The following RRP1 variants were observed in gnomAD, a reference collection of about 807,000 sequenced individuals.
RRP1 encodes the protein ribosomal RNA processing 1.
A neutral mutation model predicts 54.6 loss-of-function variants in RRP1; 37 were observed. The ratio of observed to expected loss-of-function variants is 0.68; its 90% confidence interval spans 0.52 to 0.89. The LOEUF (loss-of-function observed/expected upper bound fraction) is 0.89. RRP1 is among the 40% of genes least tolerant of loss of function. RRP1 has a pLI of 0.00. For synonymous variants in RRP1, 262 were observed against 244.3 expected (o/e 1.07, Z -0.67); for missense variants, 639 against 612.5 (o/e 1.04, Z -0.46).
At chr21:43,798,735 T>C (rs2085050890) in intron 8 of RRP1, among the ~76,000 whole-genome samples, 2 of 152,056 alleles carry the variant, frequency 1.3e-5, no homozygotes, top group African/African-American at 4.8e-5. Flanking sequence ...GCCTGGCCCA[T>C]TTTTTGTTTT....
chr21:43,800,722 G>A (rs997727148), intron 10 of RRP1, 108 bp downstream of exon 10: 18 of 1,511,244 alleles, frequency 1.2e-5, no homozygotes, highest in East Asian at 4.5e-5. Context: ...AGCCCCCGGG[G>A]TGATCCCCGC....
chr21:43,795,253 G>A lies in RRP1; in HGVS notation c.422+3G>A. 1 of 1,614,098 alleles carries A rather than the reference G, an allele frequency of 6.2e-7. No homozygotes were observed. The stretch of plus-strand genomic sequence containing the variant: ...AAGATGCAAGGCTGGGAAGAAAGGT[G>A]GGTGCGCGGCGGGCCTGCTCTGGGG... On this transcript the variant is annotated splice_donor_region_variant and intron_variant, in intron 5 of 12. Transcript: ENST00000497547.
chr21:43,798,587 C>T (rs2085048799), intron 8 of RRP1, among the ~76,000 whole-genome samples: 2 of 152,222 alleles, frequency 1.3e-5, no homozygotes, highest in South Asian at 2.1e-4. Context: ...CAAGCTCTGT[C>T]CATATTGACC....
Position 43,791,448 on chromosome 21 carries a change from A to T in RRP1, c.216+16A>T. On this transcript the variant is annotated intron_variant, in intron 2 of 12. Transcript: ENST00000497547. ...ACTCCTCCAGGTGAGTGGGGGGAGC[A>T]GCAGAGCAGGTACAGAAGCAGCGGG... 6.2e-7 allele frequency: 1 copy of T among 1,612,810 alleles called. No individual in the cohort carries two copies. Among genetic ancestry groups the T allele is most frequent in the Non-Finnish European group, 8.5e-7 (1 of 1,178,910 alleles).
At chr21:43,801,990 T>C (rs2085097670) in intron 11 of RRP1, among the ~76,000 whole-genome samples, 1 of 152,116 alleles carries the variant, frequency 6.6e-6, no homozygotes, top group South Asian at 2.1e-4. Flanking sequence ...CAACCTGACA[T>C]TCAAAGCACT....
At position 43,797,898 on chromosome 21, in the gene RRP1, GC is replaced by G; in HGVS notation, c.618-5del. ...GGGCCTGCTCACCGGCCTCTGCTCTGCCCCTCAGTTCCTTGGTTTTGAACAA... is the reference window on the plus strand; with the variant it reads ...GGGCCTGCTCACCGGCCTCTGCTCTGCCCTCAGTTCCTTGGTTTTGAACAA... On this transcript the variant is annotated splice_polypyrimidine_tract_variant and splice_region_variant and intron_variant, in intron 7 of 12. Coordinates refer to ENST00000497547, the MANE Select transcript of RRP1 (RefSeq NM_003683.6). 1 of 1,611,132 alleles carries G rather than the reference GC, an allele frequency of 6.2e-7. No individual in the cohort carries two copies. The highest frequency in any genetic ancestry group is 8.5e-7 in the Non-Finnish European group (1 of 1,177,916).
intron 8 of RRP1, 31 bp downstream of exon 8, chr21:43,798,131 C>A: frequency 6.4e-7 from 1 of 1,561,828 alleles, no homozygotes; most frequent in South Asian, 1.2e-5. Flanking sequence ...GGCTTCTCCT[C>A]GGGGCCTGTC....
intron 12 of RRP1, among the ~76,000 whole-genome samples, chr21:43,802,637 G>A (rs1172927198): frequency 6.6e-6 from 1 of 152,160 alleles, no homozygotes; most frequent in Non-Finnish European, 1.5e-5. Context: ...CTCCCTCCCG[G>A]TCTGGAGACA....
Position 43,791,354 on chromosome 21 carries a change from T to A in RRP1, c.138T>A (p.Gly46=), listed in dbSNP as rs762574411. ...ACCGTTGCTGTTTTGATGCAGGTGG[T>A]TTTACGCACGACGAGCTGCTGAAGG... The part of the protein sequence containing the change: ...IVARTQRAAG[G]FTHDELLKVW... Residue 46 remains glycine (G), a synonymous_variant, in exon 2 of 13, where the codon GGT becomes GGA. Transcript: ENST00000497547. The A allele has an allele frequency of 5.0e-6, 8 of 1,613,828 alleles. No homozygotes were observed. The South Asian group carries it at 6.6e-5, about 13-fold the overall frequency.
At chr21:43,793,027 C>T (rs1020421179) in intron 3 of RRP1, 18 of 553,566 alleles carry the variant, frequency 3.3e-5, no homozygotes, top group African/African-American at 2.7e-4. Context: ...GACTGAATTC[C>T]GCCTGATGGT....
chr21:43,798,185 C>G, intron 8 of RRP1, 85 bp downstream of exon 8: 1 of 1,202,086 alleles, frequency 8.3e-7, no homozygotes, highest in Middle Eastern at 2.9e-4. Context: ...GCTCCTGCCA[C>G]CTCCTACCTG....
rs1422434011 is a variant in RRP1 at position 43,804,332 on chromosome 21, GC to G, written c.*561del. On this transcript the variant is annotated 3_prime_UTR_variant, in exon 13 of 13. Coordinates refer to ENST00000497547, the MANE Select transcript of RRP1 (RefSeq NM_003683.6). The surrounding 1 kb of genome is among the most constrained non-coding windows in gnomAD (Gnocchi z 4.3). ...ATTCAGCTCCAGTAAGGCCTGGATT[GC>G]CCGGGGTGAGCGTGTGTGTGGTGGG... 6.6e-6 allele frequency: 1 copy of G among 152,456 alleles called. No homozygotes were observed. The highest frequency in any genetic ancestry group is 1.5e-5 in the Non-Finnish European group (1 of 68,132). The allele number at this position is 152,456 out of a possible 1,614,324, so 9.4% of individuals were successfully genotyped here.
rs768864256 is a variant in RRP1, at chr21:43,803,633, G to T, written c.1245G>T (p.Arg415=). 15 of 1,551,120 alleles carry T rather than the reference G, an allele frequency of 9.7e-6. No homozygotes were observed. Among genetic ancestry groups the T allele is most frequent in the Non-Finnish European group, 1.2e-5 (14 of 1,147,840 alleles). Residue 415 remains arginine (R), a synonymous_variant, in exon 13 of 13, where the codon CGG becomes CGT. Coordinates refer to ENST00000497547, the MANE Select transcript of RRP1 (RefSeq NM_003683.6). The stretch of plus-strand genomic sequence containing the variant: ...GTGAGCAGCCAGGCACAGCTGAGCG[G>T]GCCCTGCTCCGAGATCAGCCCAGGG... ...EAGEQPGTAE[R]ALLRDQPRGR...
At chr21:43,796,534 T>C (rs1048399332) in intron 5 of RRP1, among the ~76,000 whole-genome samples, 1 of 152,176 alleles carries the variant, frequency 6.6e-6, no homozygotes, top group Non-Finnish European at 1.5e-5. Flanking sequence ...TCCCGCCCTC[T>C]TGGATCTCCT....
intron 1 of RRP1, among the ~76,000 whole-genome samples, chr21:43,790,002 AC>A (rs1181546076): frequency 6.6e-6 from 1 of 152,086 alleles, no homozygotes; most frequent in Non-Finnish European, 1.5e-5. Context: ...CAGCCCCGTA[AC>A]CCCTTTCCTA....
Position 43,792,984 on chromosome 21 carries a change from G to A in RRP1, c.274+255G>A, listed in dbSNP as rs1271019480. ...TAATATCTTACACTTTAAAAATAAAGTGAAAAGCCAGGATAATGTCACCAA... is the reference window on the plus strand; with the variant it reads ...TAATATCTTACACTTTAAAAATAAAATGAAAAGCCAGGATAATGTCACCAA... On this transcript the variant is annotated intron_variant, in intron 3 of 12. Transcript: ENST00000497547. The A allele has an allele frequency of 8.9e-6, 5 of 562,402 alleles. No homozygotes were observed. The East Asian group carries it at 1.5e-4, about 17-fold the overall frequency. The allele number at this position is 562,402 out of a possible 1,614,324, so 34.8% of individuals were successfully genotyped here. A position where few individuals can be genotyped will look rare whatever the true frequency, so the allele number is the denominator to read the frequency against.
chr21:43,797,734 C>T, intron 7 of RRP1, 39 bp downstream of exon 7: 1 of 1,608,066 alleles, frequency 6.2e-7, no homozygotes, highest in African/African-American at 1.3e-5. Flanking sequence ...GACTCCTTCA[C>T]TGAGTTCTTC....
At chr21:43,797,301 G>T (rs1455679187) in intron 5 of RRP1, 121 bp from the exon 6 acceptor site, 1 of 1,466,924 alleles carries the variant, frequency 6.8e-7, no homozygotes, top group Non-Finnish European at 9.0e-7. Context: ...CATGTTTGCA[G>T]ACAGTGGCGC....
At position 43,803,907 on chromosome 21, in the gene RRP1, G is replaced by A; in HGVS notation, c.*133G>A. The stretch of plus-strand genomic sequence containing the variant: ...CTGTGCCAGGCGGGAGGGAAGGGCG[G>A]CACTGGAGAGATGGGCCCATCATTA... On this transcript the variant is annotated 3_prime_UTR_variant, in exon 13 of 13. Transcript: ENST00000497547. 1 of 1,118,578 alleles carries A rather than the reference G, an allele frequency of 8.9e-7. No homozygotes were observed. The highest frequency in any genetic ancestry group is 1.2e-6 in the Non-Finnish European group (1 of 806,968). 69.3% of individuals were successfully genotyped at this position (1,118,578 alleles called of 1,614,324 possible).
Sources: gnomAD v4.1 joint callset for allele counts (sites outside exome capture counted in the v4.1 genomes callset) on GRCh38, gnomAD v4.1.1 for gene constraint, Gnocchi (gnomAD v3.1) non-coding constraint, MANE v1.5 for transcripts, NCBI Gene and HGNC (gene_info 2026-07-23, HGNC 2026-07-21) for gene names.